FTCDNL1: variants seen among roughly 807,000 people sequenced by gnomAD.
FTCDNL1 encodes the protein formiminotransferase cyclodeaminase N-terminal like.
A neutral mutation model predicts 5.9 loss-of-function variants in FTCDNL1; 11 were observed. That is an observed-to-expected ratio of 1.87 (90% confidence interval 1.18 to 3.10). The LOEUF (loss-of-function observed/expected upper bound fraction) is 3.10. Ranked by LOEUF, FTCDNL1 falls within the 30% of genes most tolerant of loss-of-function variation. The pLI is 0.00. For synonymous variants in FTCDNL1, 58 were observed against 24.8 expected (o/e 2.34, Z -3.99); for missense variants, 115 against 65.5 (o/e 1.76, Z -2.61).
intron 3 of FTCDNL1, among the ~76,000 whole-genome samples, chr2:199,762,397 A>C (rs1459628184): frequency 1.3e-5 from 2 of 152,142 alleles, no homozygotes; most frequent in African/African-American, 4.8e-5. Flanking sequence ...ACAGAAAGAA[A>C]GTTTACAAAT....
chr2:199,746,871 A>G, the FTCDNL1 span, among the ~76,000 whole-genome samples: 1 of 152,124 alleles, frequency 6.6e-6, no homozygotes, highest in Non-Finnish European at 1.5e-5. Context: ...CTGCCAAACG[A>G]TGATCCTTCT....
At chr2:199,739,087 C>G in the FTCDNL1 span, among the ~76,000 whole-genome samples, 5 of 152,186 alleles carry the variant, frequency 3.3e-5, no homozygotes, top group Non-Finnish European at 5.9e-5. Context: ...CTTCAAGAAC[C>G]TGGAAAAATA....
chr2:199,769,830 A>T (rs1698723674), intron 3 of FTCDNL1, among the ~76,000 whole-genome samples: 1 of 151,918 alleles, frequency 6.6e-6, no homozygotes. Flanking sequence ...TGTGTAAATG[A>T]TCTCTTTACT....
chr2:199,817,156 T>C (rs1701398476), intron 4 of FTCDNL1, among the ~76,000 whole-genome samples: 1 of 152,224 alleles, frequency 6.6e-6, no homozygotes, highest in Non-Finnish European at 1.5e-5. Flanking sequence ...CTATTATAAA[T>C]AATGCTTTGA....
At chr2:199,786,958 C>G (rs1699682962) in intron 3 of FTCDNL1, among the ~76,000 whole-genome samples, 1 of 152,094 alleles carries the variant, frequency 6.6e-6, no homozygotes, top group African/African-American at 2.4e-5. Flanking sequence ...GTTTCCTTGC[C>G]TTTTTCAGCT....
chr2:199,694,305 C>T, the FTCDNL1 span, among the ~76,000 whole-genome samples: 127,303 of 152,106 alleles, frequency 0.84, 53,488 homozygotes, highest in East Asian at 1. Context: ...ATCCCTGATT[C>T]TGTTCTACAA....
intron 3 of FTCDNL1, among the ~76,000 whole-genome samples, chr2:199,821,331 T>A (rs985513884): frequency 8.6e-5 from 13 of 151,086 alleles, no homozygotes; most frequent in African/African-American, 1.7e-4. Context: ...TTTTTTTTTT[T>A]TTTTTTTTTT....
At chr2:199,683,520 T>C in the FTCDNL1 span, among the ~76,000 whole-genome samples, 1 of 151,558 alleles carries the variant, frequency 6.6e-6, no homozygotes, top group South Asian at 2.1e-4. Flanking sequence ...ACACTACCAG[T>C]GATAATCCCA....
intron 3 of FTCDNL1, among the ~76,000 whole-genome samples, chr2:199,826,540 A>C (rs1702049026): frequency 6.6e-6 from 1 of 150,930 alleles, no homozygotes; most frequent in Non-Finnish European, 1.5e-5. Flanking sequence ...TACGCCCATA[A>C]TCCCAGCACT....
chr2:199,689,897 T>C, the FTCDNL1 span, among the ~76,000 whole-genome samples: 1 of 151,282 alleles, frequency 6.6e-6, no homozygotes, highest in Admixed American at 6.6e-5. Context: ...TTATTTATAA[T>C]ACCAAAACAT....
chr2:199,828,333 T>C (rs575986446), intron 3 of FTCDNL1, among the ~76,000 whole-genome samples: 1 of 152,374 alleles, frequency 6.6e-6, no homozygotes, highest in East Asian at 1.9e-4. Context: ...GCAAATCATA[T>C]TGGCCTCTTA....
the FTCDNL1 span, among the ~76,000 whole-genome samples, chr2:199,742,952 A>G: frequency 5.9e-5 from 9 of 152,358 alleles, no homozygotes; most frequent in East Asian, 1.5e-3. Flanking sequence ...TCTTGGGGAA[A>G]ATAAGCGAGC....
chr2:199,823,086 G>A (rs572701787), intron 3 of FTCDNL1, among the ~76,000 whole-genome samples: 37 of 152,328 alleles, frequency 2.4e-4, no homozygotes, highest in African/African-American at 8.4e-4. Context: ...CTGGCCTCAA[G>A]TGATCCGCCA....
At chr2:199,674,140 C>T in the FTCDNL1 span, among the ~76,000 whole-genome samples, 2 of 152,008 alleles carry the variant, frequency 1.3e-5, no homozygotes, top group Non-Finnish European at 2.9e-5. Flanking sequence ...CAGGAGGTCA[C>T]AGGGCAGCCA....
intron 3 of FTCDNL1, among the ~76,000 whole-genome samples, chr2:199,831,928 G>A (rs894943603): frequency 1.3e-5 from 2 of 151,982 alleles, no homozygotes; most frequent in African/African-American, 4.8e-5. Context: ...GAAAAAACTG[G>A]ACCTATCTAC....
chr2:199,841,831 T>G (rs1461051768), intron 3 of FTCDNL1, among the ~76,000 whole-genome samples: 1 of 152,194 alleles, frequency 6.6e-6, no homozygotes, highest in Non-Finnish European at 1.5e-5. Context: ...CTGCTTCCTG[T>G]CCATTCTCTA....
chr2:199,669,079 G>T, the FTCDNL1 span, among the ~76,000 whole-genome samples: 1 of 152,080 alleles, frequency 6.6e-6, no homozygotes, highest in Admixed American at 6.6e-5. Context: ...TATTTCGCGG[G>T]TTTGGGGAAT....
chr2:199,705,603 C>A, the FTCDNL1 span, among the ~76,000 whole-genome samples: 1 of 152,160 alleles, frequency 6.6e-6, no homozygotes, highest in Admixed American at 6.5e-5. Context: ...TCTTGCCTTA[C>A]TGCTCTCACT....
chr2:199,709,273 G>C, the FTCDNL1 span, among the ~76,000 whole-genome samples: 1 of 152,060 alleles, frequency 6.6e-6, no homozygotes, highest in African/African-American at 2.4e-5. Flanking sequence ...CTAATCTGAA[G>C]CTATAAATTT....
Sources: allele counts gnomAD v4.1 joint callset (sites outside exome capture counted in the v4.1 genomes callset), GRCh38; gene constraint gnomAD v4.1.1; transcripts MANE v1.5; gene names NCBI Gene and HGNC (gene_info 2026-07-23, HGNC 2026-07-21).